EFNA5: variants seen among roughly 807,000 people sequenced by gnomAD.
EFNA5 encodes ephrin A5.
Under a neutral mutation model 22.9 loss-of-function variants are expected in EFNA5, and 5 were observed. That is an observed-to-expected ratio of 0.22 (90% CI 0.11 to 0.46). EFNA5 has a LOEUF of 0.46. Among genes scored for constraint, EFNA5 ranks in the 20% least tolerant of loss-of-function variants. The pLI, the probability that EFNA5 is intolerant of heterozygous loss-of-function variation, is 0.99. For missense variants in EFNA5, 237 were observed against 293.3 expected (o/e 0.81, Z 1.40); for synonymous variants, 113 against 112.2 (o/e 1.01, Z -0.04).
rs556632042 is a variant in EFNA5, at chr5:107,377,015, G to A, written c.*4240C>T. Reference sequence around the variant, plus strand: ...TTTTTTTTTTTACATTTTCTTTTACGTTTATATAATGTCAGCATTTCAAAA... The same window carrying A: ...TTTTTTTTTTTACATTTTCTTTTACATTTATATAATGTCAGCATTTCAAAA... On this transcript the variant is annotated 3_prime_UTR_variant, in exon 5 of 5. Transcript: ENST00000333274. 2.7e-5 allele frequency: 4 copies of A among 150,504 alleles called. No homozygotes were observed. The South Asian group carries it at 6.3e-4, about 24-fold the overall frequency. The allele number at this position is 150,504 out of a possible 1,614,324, so 9.3% of individuals were successfully genotyped here.
intron 1 of EFNA5, among the ~76,000 whole-genome samples, chr5:107,647,980 A>G (rs1024326246): frequency 1.3e-5 from 2 of 152,194 alleles, no homozygotes; most frequent in Admixed American, 1.3e-4. Flanking sequence ...GGATTAGATA[A>G]TATTTAGGCA....
intron 1 of EFNA5, among the ~76,000 whole-genome samples, chr5:107,541,450 T>TA (rs1174938860): frequency 6.6e-6 from 1 of 152,134 alleles, no homozygotes; most frequent in East Asian, 1.9e-4. Flanking sequence ...GCAATAGCAA[T>TA]AAAAATCACC....
intron 1 of EFNA5, among the ~76,000 whole-genome samples, chr5:107,633,711 C>A (rs1278707640): frequency 6.6e-6 from 1 of 152,144 alleles, no homozygotes; most frequent in Non-Finnish European, 1.5e-5. Flanking sequence ...CCCAGAATGA[C>A]CAATTTGGGG....
chr5:107,640,093 GTTA>G (rs1236812659), intron 1 of EFNA5, among the ~76,000 whole-genome samples: 1 of 152,152 alleles, frequency 6.6e-6, no homozygotes. Flanking sequence ...TCTGTCAGTG[GTTA>G]TTAATATATC....
chr5:107,427,553 G>A, intron 1 of EFNA5, 44 bp from the exon 2 acceptor site: 2 of 1,521,300 alleles, frequency 1.3e-6, no homozygotes, highest in Non-Finnish European at 1.8e-6. Context: ...ATAGAGAAAG[G>A]GCTTTCTGCT....
chr5:107,591,890 ATTATATATAATATATAATATAAAAAAT>A lies in EFNA5; in HGVS notation c.125+78572_125+78598del, dbSNP rs1749339923. On this transcript the variant is annotated intron_variant, in intron 1 of 4. Transcript: ENST00000333274. The stretch of plus-strand genomic sequence containing the variant: ...TATATATATAATATATAATATATAT[ATTATATATAATATATAATATAAAAAAT>A]ATATATATAATATATAATATATATA... Among the ~76,000 whole-genome samples the A allele has an allele frequency of 2.3e-4, 5 of 21,516 alleles. 1 individual carries two copies. Among genetic ancestry groups the A allele is most frequent in the Admixed American group, 1.9e-3 (3 of 1,542 alleles). 14.1% of individuals were successfully genotyped at this position (21,516 alleles called of 152,430 possible).
In EFNA5 at chr5:107,641,037, C is replaced by CAGACAGAT. The variant is rs1342251892; in HGVS notation, c.125+29451_125+29452insATCTGTCT. ...ATAGATAGATAGACAGACAGACAGA[C>CAGACAGAT]AGATAGATAGATAGAATGTATGGAT... On this transcript the variant is annotated intron_variant, in intron 1 of 4. Transcript: ENST00000333274. 5.4e-5 allele frequency among the ~76,000 whole-genome samples: 8 copies of CAGACAGAT among 149,260 alleles called. No homozygotes were observed. The East Asian group carries it at 9.8e-4, about 18-fold the overall frequency.
intron 1 of EFNA5, among the ~76,000 whole-genome samples, chr5:107,520,535 C>CTAGGTG (rs1263642494): frequency 1.3e-5 from 2 of 152,164 alleles, no homozygotes; most frequent in African/African-American, 4.8e-5. Context: ...GTATCTGTGT[C>CTAGGTG]TAGGTGAGTC....
At chr5:107,574,896 G>A (rs1379322934) in intron 1 of EFNA5, among the ~76,000 whole-genome samples, 1 of 152,174 alleles carries the variant, frequency 6.6e-6, no homozygotes, top group Admixed American at 6.5e-5. Flanking sequence ...ATTAAAAAAT[G>A]CAGTTGCACT....
At chr5:107,625,368 A>C (rs973390241) in intron 1 of EFNA5, among the ~76,000 whole-genome samples, 1 of 152,050 alleles carries the variant, frequency 6.6e-6, no homozygotes, top group Admixed American at 6.6e-5. Context: ...TTCAATCACC[A>C]ATTTCTCCCA....
intron 1 of EFNA5, among the ~76,000 whole-genome samples, chr5:107,631,951 G>A (rs568310734): frequency 6.6e-6 from 1 of 152,188 alleles, no homozygotes; most frequent in Non-Finnish European, 1.5e-5. Context: ...CACCCAAAAA[G>A]AAACCCTCGC....
chr5:107,667,407 A>G (rs994118601), intron 1 of EFNA5, among the ~76,000 whole-genome samples: 8 of 152,102 alleles, frequency 5.3e-5, no homozygotes, highest in Non-Finnish European at 1.0e-4. Flanking sequence ...TTCCCGTGAA[A>G]CTACATCTAT....
Position 107,670,699 on chromosome 5 carries a change from G to C in EFNA5, c.-86C>G, listed in dbSNP as rs566940885. On this transcript the variant is annotated 5_prime_UTR_variant, in exon 1 of 5. Coordinates refer to ENST00000333274, the MANE Select transcript of EFNA5 (RefSeq NM_001962.3). Reference sequence around the variant, plus strand: ...AGGGAGGGAGGCAGGCAAAGGGACAGAGAGAGAGCGGGCGCCAAATAAATA... The same window carrying C: ...AGGGAGGGAGGCAGGCAAAGGGACACAGAGAGAGCGGGCGCCAAATAAATA... 1.0e-4 allele frequency: 157 copies of C among 1,515,278 alleles called. No individual in the cohort carries two copies. In the African/African-American group the frequency reaches 1.9e-3, roughly 18 times the overall value. The allele number at this position is 1,515,278 out of a possible 1,614,324, so 93.9% of individuals were successfully genotyped here.
chr5:107,623,389 T>TC (rs1193731391), intron 1 of EFNA5, among the ~76,000 whole-genome samples: 1 of 152,128 alleles, frequency 6.6e-6, no homozygotes, highest in Non-Finnish European at 1.5e-5. Flanking sequence ...AAGCACCAAA[T>TC]CCTTACCTAT....
intron 1 of EFNA5, among the ~76,000 whole-genome samples, chr5:107,554,705 CA>C (rs1748370289): frequency 6.6e-6 from 1 of 152,116 alleles, no homozygotes; most frequent in Non-Finnish European, 1.5e-5. Flanking sequence ...TATCATGTGC[CA>C]AATACTGTGA....
chr5:107,439,727 C>T (rs879111382), intron 1 of EFNA5, among the ~76,000 whole-genome samples: 1 of 152,194 alleles, frequency 6.6e-6, no homozygotes, highest in Non-Finnish European at 1.5e-5. Context: ...ACTACAAAAA[C>T]GACTGTATTA....
intron 1 of EFNA5, among the ~76,000 whole-genome samples, chr5:107,653,317 C>T (rs1750769605): frequency 6.6e-6 from 1 of 152,088 alleles, no homozygotes; most frequent in African/African-American, 2.4e-5. Context: ...CCTAAGTTCT[C>T]CATAACCCAG....
chr5:107,450,171 G>A (rs1337756712), intron 1 of EFNA5, among the ~76,000 whole-genome samples: 3 of 152,124 alleles, frequency 2.0e-5, no homozygotes, highest in Admixed American at 1.3e-4. Context: ...TGTGAGAGAG[G>A]GAACGGGATA....
chr5:107,404,191 A>G (rs1748154531), intron 2 of EFNA5, among the ~76,000 whole-genome samples: 1 of 152,246 alleles, frequency 6.6e-6, no homozygotes, highest in Non-Finnish European at 1.5e-5. Flanking sequence ...ATCACAAGTG[A>G]TGGCGAGTTC....
Sources: allele counts gnomAD v4.1 joint callset (sites outside exome capture counted in the v4.1 genomes callset), GRCh38; gene constraint gnomAD v4.1.1; transcripts MANE v1.5; gene names NCBI Gene and HGNC (gene_info 2026-07-23, HGNC 2026-07-21).